Variants in SCMH1 observed in about 807,000 individuals in gnomAD.
The protein encoded by SCMH1 is polycomb protein SCMH1.
SCMH1 carries 37 observed loss-of-function variants against 70.8 expected under a neutral mutation model. The ratio of observed to expected loss-of-function variants is 0.52; its 90% CI spans 0.40 to 0.69. The LOEUF (loss-of-function observed/expected upper bound fraction) is 0.69. SCMH1 is among the 30% of genes least tolerant of loss of function. SCMH1 has a pLI of 0.00. For missense variants in SCMH1, 607 were observed against 827.3 expected, an observed-to-expected ratio of 0.73 and a Z score of 3.27; for synonymous variants, 292 against 307.4, an observed-to-expected ratio of 0.95 and a Z score of 0.52.
At chr1:41,170,038 A>G (rs1342948810) in intron 2 of SCMH1, among the ~76,000 whole-genome samples, 1 of 152,226 alleles carries the variant, frequency 6.6e-6, no homozygotes, top group Non-Finnish European at 1.5e-5. Flanking sequence ...AGCTGCTGGA[A>G]TAGTGTGTCA....
chr1:41,116,265 A>G (rs146527963), intron 7 of SCMH1, among the ~76,000 whole-genome samples: 29 of 152,336 alleles, frequency 1.9e-4, no homozygotes, highest in Middle Eastern at 3.4e-3. Context: ...GTTGAGACTT[A>G]ACTAGCAGCA....
In SCMH1 at chr1:41,182,596, A is replaced by G. The variant is rs532667267; in HGVS notation, c.13+3525T>C. On this transcript the variant is annotated intron_variant, in intron 2 of 14. Transcript: ENST00000337495. ...AGCTAGGTGTGGAACCTGTGATTTC[A>G]GCTACTCAAGGGGCTGCGATGGGAG... Among the ~76,000 whole-genome samples the G allele has an allele frequency of 8.9e-4, 135 of 152,230 alleles. 1 individual carries two copies. Among genetic ancestry groups the G allele is most frequent in the Non-Finnish European group, 8.7e-4 (59 of 67,998 alleles).
chr1:41,052,719 A>G (rs1478223540), intron 10 of SCMH1, among the ~76,000 whole-genome samples: 1 of 152,194 alleles, frequency 6.6e-6, no homozygotes, highest in Non-Finnish European at 1.5e-5. Flanking sequence ...CAGATACAAA[A>G]GAGTACATAT....
intron 1 of SCMH1, among the ~76,000 whole-genome samples, chr1:41,203,940 C>T (rs557574051): frequency 6.6e-6 from 1 of 152,198 alleles, no homozygotes; most frequent in Non-Finnish European, 1.5e-5. Context: ...TTTCCCACTT[C>T]ACACCTCTAT....
intron 6 of SCMH1, among the ~76,000 whole-genome samples, chr1:41,123,338 T>C (rs1672404819): frequency 1.3e-5 from 2 of 152,146 alleles, no homozygotes; most frequent in African/African-American, 4.8e-5. Context: ...GACAGAAACA[T>C]ACAAAGGATT....
chr1:41,096,750 C>T (rs763483268), intron 8 of SCMH1, among the ~76,000 whole-genome samples: 3 of 152,188 alleles, frequency 2.0e-5, no homozygotes, highest in East Asian at 3.8e-4. Flanking sequence ...CATGACTACA[C>T]AAAGTGCAGA....
At chr1:41,214,822 G>C (rs1451459228) in intron 1 of SCMH1, among the ~76,000 whole-genome samples, 2 of 152,146 alleles carry the variant, frequency 1.3e-5, no homozygotes, top group Non-Finnish European at 1.5e-5. Flanking sequence ...TATTTTTTGA[G>C]TGTTTGGGAA....
chr1:41,094,068 G>A (rs1664410599), intron 8 of SCMH1, among the ~76,000 whole-genome samples: 1 of 152,060 alleles, frequency 6.6e-6, no homozygotes, highest in Non-Finnish European at 1.5e-5. Context: ...TTTTTCTTCA[G>A]GCAACCACAG....
chr1:41,183,663 AGTT>A (rs1415143032), intron 2 of SCMH1, among the ~76,000 whole-genome samples: 2 of 152,168 alleles, frequency 1.3e-5, no homozygotes, highest in African/African-American at 4.8e-5. Context: ...GAAAAAAAAA[AGTT>A]GTCTTTTTAC....
chr1:41,226,202 AT>A (rs1660242256), intron 1 of SCMH1, among the ~76,000 whole-genome samples: 3 of 152,226 alleles, frequency 2.0e-5, no homozygotes, highest in Admixed American at 2.0e-4. Context: ...CAAAAATTTC[AT>A]CTTTCTAGTA....
intron 1 of SCMH1, among the ~76,000 whole-genome samples, chr1:41,192,263 A>C (rs1651890151): frequency 6.6e-6 from 1 of 152,068 alleles, no homozygotes; most frequent in South Asian, 2.1e-4. Flanking sequence ...ACTTGGACTA[A>C]GTACCTTACT....
chr1:41,093,644 G>A (rs1664280082), intron 8 of SCMH1, among the ~76,000 whole-genome samples: 1 of 152,116 alleles, frequency 6.6e-6, no homozygotes, highest in South Asian at 2.1e-4. Context: ...ATCCATGCCT[G>A]ATTTTGTAAT....
chr1:41,134,494 G>C (rs1642948940), intron 6 of SCMH1, among the ~76,000 whole-genome samples: 1 of 152,154 alleles, frequency 6.6e-6, no homozygotes, highest in Non-Finnish European at 1.5e-5. Flanking sequence ...AAGTCAAATT[G>C]TCTCTGTTCA....
chr1:41,034,626 C>A (rs530492194), intron 13 of SCMH1, among the ~76,000 whole-genome samples: 1 of 152,212 alleles, frequency 6.6e-6, no homozygotes, highest in African/African-American at 2.4e-5. Context: ...CGTGCCCGGC[C>A]GAGGTGACTT....
chr1:41,051,622 TA>T (rs1468779627), intron 10 of SCMH1, among the ~76,000 whole-genome samples: 2 of 151,906 alleles, frequency 1.3e-5, no homozygotes, highest in African/African-American at 4.8e-5. Context: ...TGGGTTTTAA[TA>T]AAAAAGTTTA....
At chr1:41,079,059 T>C (rs1056958080) in intron 8 of SCMH1, among the ~76,000 whole-genome samples, 20 of 152,210 alleles carry the variant, frequency 1.3e-4, no homozygotes, top group Admixed American at 3.3e-4. Context: ...TTAAGGTAGA[T>C]TTTAATAAGT....
intron 14 of SCMH1, 95 bp downstream of exon 15, chr1:41,028,489 C>CT: frequency 2.6e-6 from 4 of 1,549,766 alleles, no homozygotes; most frequent in Non-Finnish European, 3.5e-6. Context: ...GCCTTTGTCT[C>CT]TAAGCATCCC....
At chr1:41,177,130 G>C (rs554345630) in intron 2 of SCMH1, among the ~76,000 whole-genome samples, 2 of 152,176 alleles carry the variant, frequency 1.3e-5, no homozygotes, top group Non-Finnish European at 2.9e-5. Context: ...AGGCAAACAG[G>C]GTCTGGAGTG....
upstream of SCMH1, chr1:41,242,223 G>T (rs1257464617): frequency 6.9e-6 from 1 of 145,662 alleles, no homozygotes. The surrounding 1 kb of genome is among the most constrained non-coding windows in gnomAD (Gnocchi z 5.2). Context: ...CGGCTGAGGC[G>T]GGGGGCGGGG....
Sources: allele counts gnomAD v4.1 joint callset (sites outside exome capture counted in the v4.1 genomes callset), GRCh38; gene constraint gnomAD v4.1.1; non-coding constraint Gnocchi (gnomAD v3.1); transcripts MANE v1.5; gene names NCBI Gene and HGNC (gene_info 2026-07-23, HGNC 2026-07-21).